ZBTB7C: variants seen among roughly 807,000 people sequenced by gnomAD.
ZBTB7C encodes zinc finger and BTB domain-containing protein 7C.
ZBTB7C carries 8 observed loss-of-function variants against 25.7 expected under a neutral mutation model. That is an observed-to-expected ratio of 0.31 (90% confidence interval 0.18 to 0.56). The LOEUF is 0.56. ZBTB7C is among the 20% of genes least tolerant of loss of function. The pLI is 0.91. For missense variants in ZBTB7C, 824 were observed against 855.2 expected (o/e 0.96, Z 0.46); for synonymous variants, 394 against 369.0 (o/e 1.07, Z -0.78).
In ZBTB7C at chr18:48,153,994, G is replaced by T. The variant is rs114242381; in HGVS notation, c.-17+31940C>A. Reference sequence around the variant, plus strand: ...GACAGGGTGATGGCTGTGGCTCAGGGTCATGGCTGGGAAACTCGGAAAGGG... The same window carrying T: ...GACAGGGTGATGGCTGTGGCTCAGGTTCATGGCTGGGAAACTCGGAAAGGG... On this transcript the variant is annotated intron_variant, in intron 3 of 4. Transcript: ENST00000590800. Among the ~76,000 whole-genome samples the T allele has an allele frequency of 9.4e-3, 1,435 of 152,300 alleles. 16 individuals carry two copies. The highest frequency in any genetic ancestry group is 0.032 in the African/African-American group (1,335 of 41,568).
intron 3 of ZBTB7C, chr18:48,077,004 C>T: frequency 1.9e-5 from 19 of 983,636 alleles, no homozygotes; most frequent in Non-Finnish European, 2.3e-5. Flanking sequence ...CCTAAGTTCC[C>T]TTCCAGCAAA....
intron 1 of ZBTB7C, among the ~76,000 whole-genome samples, chr18:48,373,611 C>T (rs1035240807): frequency 2.0e-5 from 3 of 152,168 alleles, no homozygotes; most frequent in African/African-American, 7.2e-5. Flanking sequence ...ATGGCTTGGA[C>T]CATCCCCTTG....
chr18:48,245,387 T>A (rs1446101249), intron 2 of ZBTB7C, among the ~76,000 whole-genome samples: 1 of 150,864 alleles, frequency 6.6e-6, no homozygotes, highest in Non-Finnish European at 1.5e-5. Context: ...GCTCAGGTGA[T>A]GGGTGCACCA....
intron 1 of ZBTB7C, among the ~76,000 whole-genome samples, chr18:48,395,479 G>GTT (rs1203469760): frequency 1.3e-5 from 2 of 151,478 alleles, no homozygotes; most frequent in Non-Finnish European, 2.9e-5. Flanking sequence ...GTGTGTGTGT[G>GTT]TGTGTGTGTG....
intron 3 of ZBTB7C, among the ~76,000 whole-genome samples, chr18:48,165,946 T>C (rs940471203): frequency 4.6e-5 from 7 of 152,348 alleles, no homozygotes; most frequent in African/African-American, 1.4e-4. Context: ...TGACCAGATA[T>C]TCTTATTAAC....
chr18:48,367,175 T>TATATATATA (rs2047242433), intron 1 of ZBTB7C, among the ~76,000 whole-genome samples: 15 of 62,278 alleles, frequency 2.4e-4, no homozygotes, highest in African/African-American at 1.0e-3. Context: ...TCCCCAAGTT[T>TATATATATA]TATATATATA....
At chr18:48,217,883 T>C (rs1226950861) in intron 2 of ZBTB7C, among the ~76,000 whole-genome samples, 3 of 152,004 alleles carry the variant, frequency 2.0e-5, no homozygotes, top group Non-Finnish European at 2.9e-5. Flanking sequence ...CCTTCTAGAA[T>C]AGAGAACAAT....
chr18:48,191,476 T>C (rs894360888), intron 2 of ZBTB7C, among the ~76,000 whole-genome samples: 1 of 152,256 alleles, frequency 6.6e-6, no homozygotes, highest in Non-Finnish European at 1.5e-5. Context: ...AAACACTTGG[T>C]GCAGGACCTC....
At chr18:48,067,756 A>T (rs1221284808) in intron 3 of ZBTB7C, among the ~76,000 whole-genome samples, 1 of 152,118 alleles carries the variant, frequency 6.6e-6, no homozygotes, top group Non-Finnish European at 1.5e-5. Flanking sequence ...AATCTCAGCA[A>T]TTTGGGAGGC....
rs549080628 is a variant in ZBTB7C, at chr18:48,261,305, T to A, written c.-78-75310A>T. 3.3e-5 allele frequency among the ~76,000 whole-genome samples: 5 copies of A among 152,304 alleles called. No individual in the cohort carries two copies. In the East Asian group the frequency reaches 9.6e-4, roughly 29 times the overall value. On this transcript the variant is annotated intron_variant, in intron 2 of 4. Coordinates refer to ENST00000590800, the MANE Select transcript of ZBTB7C (RefSeq NM_001318841.2). ...CTCGAGTGCTGGGCAGGGCACCGTG[T>A]GCAGACAGGGGCTCCATGATCGTTA...
intron 3 of ZBTB7C, among the ~76,000 whole-genome samples, chr18:48,113,748 G>T (rs185677035): frequency 6.6e-6 from 1 of 152,370 alleles, no homozygotes; most frequent in African/African-American, 2.4e-5. Flanking sequence ...GGCAGAGTCA[G>T]GAGAGTCCCA....
At chr18:48,135,944 C>T (rs1014434315) in intron 3 of ZBTB7C, among the ~76,000 whole-genome samples, 1 of 152,212 alleles carries the variant, frequency 6.6e-6, no homozygotes, top group African/African-American at 2.4e-5. Flanking sequence ...AGAAGGCAGC[C>T]GCCCGCTGCC....
chr18:48,309,076 G>A (rs962378631), intron 2 of ZBTB7C, among the ~76,000 whole-genome samples: 14 of 152,180 alleles, frequency 9.2e-5, no homozygotes, highest in African/African-American at 3.4e-4. Flanking sequence ...CCCCTCTCAG[G>A]CTTGGCCACA....
At chr18:48,146,014 C>T (rs989394949) in intron 3 of ZBTB7C, among the ~76,000 whole-genome samples, 13 of 151,986 alleles carry the variant, frequency 8.6e-5, no homozygotes, top group African/African-American at 2.7e-4. Context: ...GAGTATAATA[C>T]GATTATACAT....
intron 2 of ZBTB7C, among the ~76,000 whole-genome samples, chr18:48,278,057 T>C (rs1450952192): frequency 5.9e-5 from 9 of 152,210 alleles, no homozygotes; most frequent in African/African-American, 2.2e-4. Flanking sequence ...CAATCTCCTA[T>C]CAAAAGGTGG....
At chr18:48,390,585 T>C (rs151320696) in intron 1 of ZBTB7C, among the ~76,000 whole-genome samples, 2 of 152,346 alleles carry the variant, frequency 1.3e-5, no homozygotes, top group Non-Finnish European at 2.9e-5. Flanking sequence ...ATTTCCTGTC[T>C]GTCACCTGCT....
chr18:48,141,980 G>T (rs550635724), intron 3 of ZBTB7C, among the ~76,000 whole-genome samples: 44 of 152,342 alleles, frequency 2.9e-4, no homozygotes, highest in African/African-American at 1.0e-3. Context: ...AAATAATAAT[G>T]CATTGCCGTT....
intron 2 of ZBTB7C, among the ~76,000 whole-genome samples, chr18:48,316,610 G>GCTC (rs2045953885): frequency 6.6e-6 from 1 of 152,200 alleles, no homozygotes; most frequent in Non-Finnish European, 1.5e-5. Context: ...AGAGCTGGTT[G>GCTC]TTTTGAAAAG....
chr18:48,207,507 C>T (rs922065407), intron 2 of ZBTB7C, among the ~76,000 whole-genome samples: 1 of 152,190 alleles, frequency 6.6e-6, no homozygotes, highest in Non-Finnish European at 1.5e-5. Flanking sequence ...GAATAGTCTA[C>T]AACATGAATA....
Sources: gnomAD v4.1 joint callset for allele counts (sites outside exome capture counted in the v4.1 genomes callset) on GRCh38, gnomAD v4.1.1 for gene constraint, MANE v1.5 for transcripts, NCBI Gene and HGNC (gene_info 2026-07-23, HGNC 2026-07-21) for gene names.